SVOP: variants seen among roughly 807,000 people sequenced by gnomAD.
The protein encoded by SVOP is synaptic vesicle 2-related protein.
A neutral mutation model predicts 69.1 loss-of-function variants in SVOP; 17 were observed. The ratio of observed to expected loss-of-function variants is 0.25; its 90% CI spans 0.17 to 0.37. The LOEUF (loss-of-function observed/expected upper bound fraction) is 0.37. Among genes scored for constraint, SVOP ranks in the 10% least tolerant of loss-of-function variants. The pLI is 1.00. For missense variants in SVOP, 435 were observed against 597.5 expected (o/e 0.73, Z 2.84); for synonymous variants, 238 against 238.6 (o/e 1.00, Z 0.02).
At chr12:108,961,167 G>A (rs2040015939) in intron 5 of SVOP, 120 bp from the exon 6 acceptor site, 1 of 1,270,172 alleles carries the variant, frequency 7.9e-7, no homozygotes, top group Non-Finnish European at 1.0e-6. Context: ...CAACCAAGGG[G>A]GTACTGGGTT....
At chr12:108,981,831 T>C (rs1004885323) in intron 2 of SVOP, among the ~76,000 whole-genome samples, 6 of 152,262 alleles carry the variant, frequency 3.9e-5, no homozygotes, top group African/African-American at 1.4e-4. Context: ...TATCACACTA[T>C]CATCATAACC....
chr12:108,929,285 T>A (rs932616186), intron 11 of SVOP, among the ~76,000 whole-genome samples: 3 of 152,048 alleles, frequency 2.0e-5, no homozygotes, highest in Admixed American at 2.0e-4. Context: ...ATAGTCCTTT[T>A]TAAATATTTA....
intron 1 of SVOP, among the ~76,000 whole-genome samples, chr12:108,992,179 G>A (rs2040205838): frequency 6.6e-6 from 1 of 151,650 alleles, no homozygotes; most frequent in East Asian, 1.9e-4. Flanking sequence ...CCAAATTCTT[G>A]CATATTTAAC....
At chr12:108,951,554 A>C (rs2039953795) in intron 6 of SVOP, among the ~76,000 whole-genome samples, 1 of 152,192 alleles carries the variant, frequency 6.6e-6, no homozygotes, top group Non-Finnish European at 1.5e-5. Flanking sequence ...CCGTAGAGAG[A>C]AAGTGTAATT....
chr12:108,915,199 T>C (rs2039706353), intron 15 of SVOP, among the ~76,000 whole-genome samples: 2 of 151,612 alleles, frequency 1.3e-5, no homozygotes, highest in South Asian at 4.2e-4. Context: ...AATCAACTTT[T>C]ATCATAGATT....
At chr12:108,918,731 A>G (rs981657468) in intron 13 of SVOP, among the ~76,000 whole-genome samples, 1 of 152,192 alleles carries the variant, frequency 6.6e-6, no homozygotes, top group Non-Finnish European at 1.5e-5. Flanking sequence ...GGATTACAAA[A>G]CGATCTATTT....
chr12:108,983,000 T>TGTCACCATCATCATTATCACC (rs2040149259), intron 2 of SVOP, among the ~76,000 whole-genome samples: 1 of 142,310 alleles, frequency 7.0e-6, no homozygotes, highest in Non-Finnish European at 1.5e-5. Flanking sequence ...TCATTATCAT[T>TGTCACCATCATCATTATCACC]GTCACCATCA....
At chr12:108,963,531 A>G (rs990689142) in intron 5 of SVOP, among the ~76,000 whole-genome samples, 2 of 152,020 alleles carry the variant, frequency 1.3e-5, no homozygotes, top group Non-Finnish European at 2.9e-5. Flanking sequence ...TCAGTCACCC[A>G]GGCTGGAGTG....
At chr12:109,001,436 T>C (rs1168663140) in intron 1 of SVOP, among the ~76,000 whole-genome samples, 4 of 151,548 alleles carry the variant, frequency 2.6e-5, no homozygotes, top group Non-Finnish European at 5.9e-5. Context: ...AATGACTTTC[T>C]TCACAGAATT....
intron 14 of SVOP, 85 bp downstream of exon 14, chr12:108,917,958 T>A: frequency 8.5e-7 from 1 of 1,178,496 alleles, no homozygotes; most frequent in Non-Finnish European, 1.2e-6. Flanking sequence ...TCATTCTTTT[T>A]AATGGTTTCT....
At chr12:108,979,893 C>G (rs2040127012) in intron 2 of SVOP, among the ~76,000 whole-genome samples, 1 of 152,158 alleles carries the variant, frequency 6.6e-6, no homozygotes, top group Admixed American at 6.5e-5. Flanking sequence ...AAAAGACGGC[C>G]GGATGCTGTG....
intron 1 of SVOP, among the ~76,000 whole-genome samples, chr12:108,992,417 T>G (rs1218678940): frequency 6.6e-6 from 1 of 152,122 alleles, no homozygotes; most frequent in Non-Finnish European, 1.5e-5. Flanking sequence ...GGTGTGTGCC[T>G]GTAGTCCTAG....
rs113338551 is a variant in SVOP at position 108,931,615 on chromosome 12, C to T, written c.1048+2580G>A. ...TCGGGAGGCCGAGGTGGGTGGATCA[C>T]GAGGTCAAGAGATTGAGACCATCCT... On this transcript the variant is annotated intron_variant, in intron 11 of 15. Coordinates refer to ENST00000610966, the MANE Select transcript of SVOP (RefSeq NM_018711.5). Among the ~76,000 whole-genome samples the T allele has an allele frequency of 9.9e-3, 1,502 of 152,188 alleles. 22 individuals are homozygous for T. The highest frequency in any genetic ancestry group is 0.034 in the African/African-American group (1,406 of 41,522).
intron 1 of SVOP, among the ~76,000 whole-genome samples, chr12:108,990,474 A>G (rs1030966798): frequency 7.0e-6 from 1 of 142,084 alleles, no homozygotes; most frequent in African/African-American, 2.6e-5. Context: ...ACACTTGGAC[A>G]CAGGAAGGGG....
chr12:108,940,929 G>T lies in SVOP; in HGVS notation c.643-20C>A. On this transcript the variant is annotated intron_variant, in intron 7 of 15. Coordinates refer to ENST00000610966, the MANE Select transcript of SVOP (RefSeq NM_018711.5). Reference sequence around the variant, plus strand: ...GAATACCTGGCACAGGAGAATCAGGGTCAGTGGTGGGGGTAGCATGGTCCA... The same window carrying T: ...GAATACCTGGCACAGGAGAATCAGGTTCAGTGGTGGGGGTAGCATGGTCCA... 1 of 1,535,524 alleles carries T rather than the reference G, an allele frequency of 6.5e-7. No homozygotes were observed.
intron 6 of SVOP, among the ~76,000 whole-genome samples, chr12:108,954,933 C>T (rs949215088): frequency 6.6e-6 from 1 of 152,188 alleles, no homozygotes. Flanking sequence ...AGAAGGATCA[C>T]TTGAGCCTGG....
intron 1 of SVOP, among the ~76,000 whole-genome samples, chr12:109,016,911 T>G (rs190808167): frequency 1.2e-4 from 18 of 151,938 alleles, no homozygotes; most frequent in Non-Finnish European, 2.5e-4. Context: ...CCTGGCTAAT[T>G]AAGAAAAAAA....
At chr12:108,997,103 T>C (rs1427347000) in intron 1 of SVOP, among the ~76,000 whole-genome samples, 19 of 150,190 alleles carry the variant, frequency 1.3e-4, no homozygotes, top group African/African-American at 2.7e-4. Flanking sequence ...AGTGGGTGCG[T>C]GCACCGTGCG....
At chr12:109,001,379 C>G (rs1288592096) in intron 1 of SVOP, among the ~76,000 whole-genome samples, 4 of 151,046 alleles carry the variant, frequency 2.6e-5, no homozygotes, top group Non-Finnish European at 5.9e-5. Flanking sequence ...AATGGCCATA[C>G]TGCCCAAGGT....
Sources: allele counts gnomAD v4.1 joint callset (sites outside exome capture counted in the v4.1 genomes callset), GRCh38; gene constraint gnomAD v4.1.1; transcripts MANE v1.5; gene names NCBI Gene and HGNC (gene_info 2026-07-23, HGNC 2026-07-21).